PDE10A: variants seen among roughly 807,000 people sequenced by gnomAD.
PDE10A encodes phosphodiesterase 10A.
In PDE10A, 39 loss-of-function variants were observed where a neutral mutation model predicts 97.7. The observed-to-expected ratio is 0.40, with a 90% CI of 0.31 to 0.52. The LOEUF is 0.52. PDE10A is among the 20% of genes least tolerant of loss of function. The probability of loss-of-function intolerance (pLI) is 0.56; values close to 1 mark genes in which losing one functional copy is unlikely to be tolerated. For missense variants in PDE10A, 731 were observed against 1,047.8 expected (o/e 0.70, Z 4.17); for synonymous variants, 371 against 376.8 (o/e 0.98, Z 0.18).
chr6:165,589,945 GAA>G (rs1055440194), intron 1 of PDE10A, among the ~76,000 whole-genome samples: 11 of 152,040 alleles, frequency 7.2e-5, no homozygotes, highest in African/African-American at 2.7e-4. Context: ...AAATCATTAA[GAA>G]AAAGACTTCA....
At chr6:165,357,341 A>C (rs912041965) in intron 18 of PDE10A, among the ~76,000 whole-genome samples, 2 of 152,198 alleles carry the variant, frequency 1.3e-5, no homozygotes, top group East Asian at 3.8e-4. Context: ...CAAAGGGAAT[A>C]CTGAACTTGA....
chr6:165,966,226 T>A (rs1784506408), intron 1 of PDE10A, among the ~76,000 whole-genome samples: 1 of 152,246 alleles, frequency 6.6e-6, no homozygotes, highest in African/African-American at 2.4e-5. Flanking sequence ...ACAGGGCTCA[T>A]AATGGAGCTT....
At chr6:165,428,606 A>G in intron 10 of PDE10A, 52 bp downstream of exon 10, 1 of 753,978 alleles carries the variant, frequency 1.3e-6, no homozygotes, top group Non-Finnish European at 2.3e-6. Flanking sequence ...ATATATTAGC[A>G]CCATGGGCCT....
chr6:165,490,924 C>T (rs111802186), intron 2 of PDE10A, among the ~76,000 whole-genome samples: 5,825 of 152,264 alleles, frequency 0.038, 150 homozygotes, highest in Middle Eastern at 0.082. Flanking sequence ...CACTGAACTC[C>T]AGCCTGGGGC....
In PDE10A at chr6:165,652,233, T is replaced by C. The variant is rs80100765; in HGVS notation, c.865+9714A>G. ...TGTAATTAGCACATCCAAGAAGCCA[T>C]AGTAACTAAGCTCTTTTTTGTTGTT... On this transcript the variant is annotated intron_variant, in intron 1 of 21. Coordinates refer to ENST00000539869, the MANE Select transcript of PDE10A (RefSeq NM_001385079.1). Among the ~76,000 whole-genome samples, 1,343 of 152,266 alleles carry C rather than the reference T, an allele frequency of 8.8e-3. 22 individuals carry two copies. The highest frequency in any genetic ancestry group is 0.03 in the African/African-American group (1,265 of 41,544).
At chr6:165,913,558 AT>A (rs1313098865) in intron 1 of PDE10A, among the ~76,000 whole-genome samples, 1 of 152,138 alleles carries the variant, frequency 6.6e-6, no homozygotes, top group Admixed American at 6.5e-5. Context: ...TATTATTATT[AT>A]TTTAAATATT....
intron 1 of PDE10A, among the ~76,000 whole-genome samples, chr6:165,931,527 A>C (rs1006560938): frequency 2.0e-5 from 3 of 152,226 alleles, no homozygotes; most frequent in Admixed American, 2.0e-4. Flanking sequence ...ATAAAATTGT[A>C]TTGAGTGCCT....
chr6:165,713,638 C>G (rs1218401556), intron 1 of PDE10A, among the ~76,000 whole-genome samples: 1 of 152,188 alleles, frequency 6.6e-6, no homozygotes, highest in Non-Finnish European at 1.5e-5. Flanking sequence ...AAGACCAGAC[C>G]TACCGCAAAC....
At chr6:165,718,820 A>G (rs772063646) in intron 1 of PDE10A, among the ~76,000 whole-genome samples, 12 of 152,224 alleles carry the variant, frequency 7.9e-5, no homozygotes, top group Non-Finnish European at 1.5e-4. Context: ...GGATAACAAG[A>G]TAACCAAGGA....
At chr6:165,974,843 A>G (rs1784801523) in intron 1 of PDE10A, among the ~76,000 whole-genome samples, 3 of 152,224 alleles carry the variant, frequency 2.0e-5, no homozygotes, top group Admixed American at 2.0e-4. Context: ...TGGCAGGAGG[A>G]ACAGAGGGTG....
At chr6:165,665,118 C>T (rs573019371), upstream of PDE10A, among the ~76,000 whole-genome samples, 1 of 152,298 alleles carries the variant, frequency 6.6e-6, no homozygotes, top group South Asian at 2.1e-4. Flanking sequence ...AATCACAAGG[C>T]ATAACAACGG....
At chr6:165,935,093 T>A (rs1783279734) in intron 1 of PDE10A, among the ~76,000 whole-genome samples, 1 of 152,194 alleles carries the variant, frequency 6.6e-6, no homozygotes, top group African/African-American at 2.4e-5. Flanking sequence ...GGTATAGATT[T>A]GTAAACCAGC....
chr6:165,938,800 G>A (rs1436917824), intron 1 of PDE10A, among the ~76,000 whole-genome samples: 6 of 152,012 alleles, frequency 3.9e-5, no homozygotes, highest in Non-Finnish European at 8.8e-5. Flanking sequence ...TAACCAGGTC[G>A]ATGACCTTAA....
chr6:165,839,784 GT>G (rs1780170530), intron 1 of PDE10A, among the ~76,000 whole-genome samples: 2 of 11,988 alleles, frequency 1.7e-4, no homozygotes, highest in Admixed American at 1.8e-3. Context: ...ATCTGCATCT[GT>G]CTCCATCCCC....
rs574585634 is a variant in PDE10A, at chr6:165,816,958, G to C, written c.-615+170571C>G. Among the ~76,000 whole-genome samples, 30 of 152,250 alleles carry C rather than the reference G, an allele frequency of 2.0e-4. 1 individual carries two copies. The highest frequency in any genetic ancestry group is 6.5e-4 in the African/African-American group (27 of 41,548). ...CAGGAGTGGCTGGGAGAAGCAATGGGGCCATAGTTAGAATCCTTCCGGGTG... is the reference window on the plus strand; with the variant it reads ...CAGGAGTGGCTGGGAGAAGCAATGGCGCCATAGTTAGAATCCTTCCGGGTG... On this transcript the variant is annotated intron_variant, in intron 1 of 19. Coordinates refer to the PDE10A transcript ENST00000366882.
intron 1 of PDE10A, among the ~76,000 whole-genome samples, chr6:165,651,413 G>A (rs1269356339): frequency 1.3e-5 from 2 of 152,140 alleles, no homozygotes; most frequent in Non-Finnish European, 2.9e-5. Flanking sequence ...AAGAAGGTTA[G>A]CACTATGCTG....
At chr6:165,805,959 AG>A (rs1196614485) in intron 1 of PDE10A, among the ~76,000 whole-genome samples, 1 of 146,596 alleles carries the variant, frequency 6.8e-6, no homozygotes, top group Admixed American at 6.9e-5. Flanking sequence ...CTCCTTAAAG[AG>A]GTGAATGAGA....
At chr6:165,674,448 G>C (rs937869498) in intron 1 of PDE10A, among the ~76,000 whole-genome samples, 1 of 152,178 alleles carries the variant, frequency 6.6e-6, no homozygotes, top group Non-Finnish European at 1.5e-5. Flanking sequence ...CTGCTGATGC[G>C]CAGTGGGGAG....
At chr6:165,352,053 C>A (rs1366410340) in intron 18 of PDE10A, among the ~76,000 whole-genome samples, 1 of 152,098 alleles carries the variant, frequency 6.6e-6, no homozygotes, top group Non-Finnish European at 1.5e-5. Flanking sequence ...GGGGTTTCAC[C>A]ATGTTAGCCA....
Sources: allele counts gnomAD v4.1 joint callset (sites outside exome capture counted in the v4.1 genomes callset), GRCh38; gene constraint gnomAD v4.1.1; transcripts MANE v1.5; gene names NCBI Gene and HGNC (gene_info 2026-07-23, HGNC 2026-07-21).